The following LPGAT1 variants were observed in gnomAD, a reference collection of about 807,000 sequenced individuals.
The protein encoded by LPGAT1 is acyl-CoA:lysophosphatidylglycerol acyltransferase 1.
Under a neutral mutation model 47.5 loss-of-function variants are expected in LPGAT1, and 11 were observed. That is an observed-to-expected ratio of 0.23 (90% confidence interval 0.15 to 0.38). The LOEUF is 0.38. LPGAT1 is among the 10% of genes least tolerant of loss of function. LPGAT1 has a pLI of 1.00. For missense variants in LPGAT1, 293 were observed against 439.0 expected (o/e 0.67, Z 2.97); for synonymous variants, 138 against 144.2 (o/e 0.96, Z 0.31).
intron 2 of LPGAT1, among the ~76,000 whole-genome samples, chr1:211,814,196 T>C (rs1426769784): frequency 6.6e-6 from 1 of 152,214 alleles, no homozygotes; most frequent in Non-Finnish European, 1.5e-5. Flanking sequence ...TTAATATGCG[T>C]ATGGATTCCT....
At chr1:211,785,971 A>T (rs1347717621) in intron 4 of LPGAT1, among the ~76,000 whole-genome samples, 1 of 152,020 alleles carries the variant, frequency 6.6e-6, no homozygotes, top group Non-Finnish European at 1.5e-5. Context: ...AAATTCAATT[A>T]TTTCCTAAAG....
At chr1:211,752,788 C>G (rs955924405) in intron 6 of LPGAT1, among the ~76,000 whole-genome samples, 3 of 152,348 alleles carry the variant, frequency 2.0e-5, no homozygotes, top group African/African-American at 7.2e-5. Context: ...GGAATACTGA[C>G]TTCCAATTTT....
chr1:211,808,202 G>A (rs1194865339), intron 2 of LPGAT1, among the ~76,000 whole-genome samples: 3 of 151,846 alleles, frequency 2.0e-5, no homozygotes, highest in Non-Finnish European at 2.9e-5. Context: ...AAAATTAGCC[G>A]GGTGTGGTGG....
intron 6 of LPGAT1, among the ~76,000 whole-genome samples, chr1:211,763,767 A>G (rs1021182431): frequency 1.3e-5 from 2 of 152,152 alleles, no homozygotes; most frequent in Admixed American, 6.5e-5. Context: ...AGATTATCCT[A>G]TTTAAAATTT....
rs992364364 is a variant in LPGAT1, at chr1:211,829,680, C to T, written c.-27-357G>A. ...CACTCGCTTCAGACAACCTCAGGAT[C>T]TCCAAACTGAAGACACAAGTGACAT... On this transcript the variant is annotated intron_variant, in intron 1 of 7. Coordinates refer to ENST00000366997, the MANE Select transcript of LPGAT1 (RefSeq NM_014873.3). 2.9e-6 allele frequency: 3 copies of T among 1,050,734 alleles called. No individual in the cohort carries two copies. In the African/African-American group the frequency reaches 5.1e-5, roughly 18 times the overall value. 65.1% of individuals were successfully genotyped at this position (1,050,734 alleles called of 1,614,324 possible). A position where few individuals can be genotyped will look rare whatever the true frequency, so the allele number is the denominator to read the frequency against.
intron 4 of LPGAT1, among the ~76,000 whole-genome samples, chr1:211,784,608 A>G (rs1235506483): frequency 6.6e-6 from 1 of 152,078 alleles, no homozygotes; most frequent in Non-Finnish European, 1.5e-5. Flanking sequence ...GATGAGATTC[A>G]ATTATATTGT....
At chr1:211,824,083 C>G (rs1447171627) in intron 2 of LPGAT1, among the ~76,000 whole-genome samples, 2 of 152,110 alleles carry the variant, frequency 1.3e-5, no homozygotes, top group Non-Finnish European at 2.9e-5. Context: ...TAGGGAATCT[C>G]AGAACCAGGA....
intron 6 of LPGAT1, among the ~76,000 whole-genome samples, chr1:211,759,591 A>T (rs1222789164): frequency 1.3e-5 from 2 of 152,036 alleles, no homozygotes; most frequent in African/African-American, 4.8e-5. Context: ...TCTTATTGAG[A>T]TAAATATTTA....
intron 2 of LPGAT1, among the ~76,000 whole-genome samples, chr1:211,828,133 C>CTACA (rs1660598337): frequency 6.6e-6 from 1 of 152,194 alleles, no homozygotes; most frequent in African/African-American, 2.4e-5. Context: ...AAGCTATGAA[C>CTACA]TACAGCCTCT....
At chr1:211,808,503 A>G (rs536140521) in intron 2 of LPGAT1, among the ~76,000 whole-genome samples, 187 of 152,336 alleles carry the variant, frequency 1.2e-3, no homozygotes, top group Non-Finnish European at 2.2e-3. Flanking sequence ...CCACTAGGGA[A>G]ATGAAAATTA....
intron 4 of LPGAT1, 87 bp from the exon 5 acceptor site, chr1:211,783,589 T>G: frequency 7.9e-7 from 1 of 1,271,260 alleles, no homozygotes; most frequent in Non-Finnish European, 1.1e-6. Flanking sequence ...GCTTCTAAAT[T>G]AAAATCCAAT....
intron 2 of LPGAT1, among the ~76,000 whole-genome samples, chr1:211,793,791 T>C (rs533888896): frequency 1.3e-5 from 2 of 152,272 alleles, no homozygotes; most frequent in Admixed American, 1.3e-4. Flanking sequence ...CAGAAACTTG[T>C]TCAAATAAGC....
rs1315162258 is a variant in LPGAT1, at chr1:211,818,459, T to G, written c.238+10600A>C. Reference sequence around the variant, plus strand: ...GAATAGCTGGAAATGTGGAATTTGTTTTCATGTTTTGTGAAATCTCCCTAA... The same window carrying G: ...GAATAGCTGGAAATGTGGAATTTGTGTTCATGTTTTGTGAAATCTCCCTAA... On this transcript the variant is annotated intron_variant, in intron 2 of 7. Transcript: ENST00000366997. 2.0e-5 allele frequency among the ~76,000 whole-genome samples: 3 copies of G among 152,182 alleles called. 1 individual carries two copies. Among genetic ancestry groups the G allele is most frequent in the African/African-American group, 4.8e-5 (2 of 41,426 alleles).
At chr1:211,786,884 G>T (rs923371675) in intron 4 of LPGAT1, among the ~76,000 whole-genome samples, 6 of 152,134 alleles carry the variant, frequency 3.9e-5, no homozygotes, top group African/African-American at 1.4e-4. Context: ...AGATAAAAAT[G>T]ATGATGAAGG....
rs149099155 is a variant in LPGAT1 at position 211,803,859 on chromosome 1, C to T, written c.239-10669G>A. 5.6e-3 allele frequency among the ~76,000 whole-genome samples: 840 copies of T among 150,294 alleles called. 5 individuals are homozygous for T. Among genetic ancestry groups the T allele is most frequent in the African/African-American group, 0.019 (796 of 40,970 alleles). The stretch of plus-strand genomic sequence containing the variant: ...CACTGCAGTCTCCACCTCCCATGTT[C>T]AAACAATTCTCCTACCACAGTCTCA... On this transcript the variant is annotated intron_variant, in intron 2 of 7. Transcript: ENST00000366997.
At chr1:211,777,097 T>A (rs2102528104) in intron 6 of LPGAT1, among the ~76,000 whole-genome samples, 1 of 152,300 alleles carries the variant, frequency 6.6e-6, no homozygotes, top group Admixed American at 6.5e-5. Flanking sequence ...AATTCTGAAT[T>A]AAAACCATTC....
intron 5 of LPGAT1, among the ~76,000 whole-genome samples, chr1:211,782,989 G>C (rs75591012): frequency 6.6e-6 from 1 of 152,074 alleles, no homozygotes; most frequent in Non-Finnish European, 1.5e-5. Context: ...GAATGGCTCC[G>C]TATAAGTAGG....
chr1:211,791,593 C>G (rs1312807463), intron 3 of LPGAT1, among the ~76,000 whole-genome samples: 2 of 151,918 alleles, frequency 1.3e-5, no homozygotes, highest in Non-Finnish European at 2.9e-5. Flanking sequence ...ACTAAAAATA[C>G]AAAAATTAGC....
chr1:211,780,204 T>C (rs769150813), intron 5 of LPGAT1, among the ~76,000 whole-genome samples: 5 of 152,010 alleles, frequency 3.3e-5, no homozygotes, highest in Non-Finnish European at 5.9e-5. Flanking sequence ...TAAAAAATAA[T>C]TAATAAATAA....
Sources: allele counts gnomAD v4.1 joint callset (sites outside exome capture counted in the v4.1 genomes callset), GRCh38; gene constraint gnomAD v4.1.1; transcripts MANE v1.5; gene names NCBI Gene and HGNC (gene_info 2026-07-23, HGNC 2026-07-21).